Variants in ABI3BP observed in about 807,000 individuals in gnomAD.
The protein encoded by ABI3BP is ABI family member 3 binding protein.
Under a neutral mutation model 268.6 loss-of-function variants are expected in ABI3BP, and 216 were observed. The observed-to-expected ratio is 0.80, with a 90% CI of 0.72 to 0.90. The LOEUF is 0.90. Among genes scored for constraint, ABI3BP ranks in the 40% least tolerant of loss-of-function variants. The pLI, the probability that ABI3BP is intolerant of heterozygous loss-of-function variation, is 0.00. For missense variants in ABI3BP, 2,090 were observed against 2,182.4 expected (o/e 0.96, Z 0.84); for synonymous variants, 730 against 730.0 (o/e 1.00, Z 0.00).
intron 2 of ABI3BP, among the ~76,000 whole-genome samples, chr3:100,916,906 T>C (rs1292963169): frequency 6.6e-6 from 1 of 152,190 alleles, no homozygotes; most frequent in African/African-American, 2.4e-5. Context: ...GTAGATTGCA[T>C]ATAGATTTTT....
At chr3:100,934,702 G>T (rs1240108229) in intron 1 of ABI3BP, among the ~76,000 whole-genome samples, 2 of 151,392 alleles carry the variant, frequency 1.3e-5, no homozygotes, top group Non-Finnish European at 2.9e-5. Flanking sequence ...GTATCTCATT[G>T]TGGTTTTGAT....
intron 61 of ABI3BP, among the ~76,000 whole-genome samples, chr3:100,771,337 A>G (rs1429022937): frequency 6.6e-6 from 1 of 152,190 alleles, no homozygotes; most frequent in Non-Finnish European, 1.5e-5. Flanking sequence ...AGAATCAAGT[A>G]GCTTCAAGTA....
chr3:100,879,880 A>G (rs1581682890), intron 6 of ABI3BP, among the ~76,000 whole-genome samples: 1 of 152,194 alleles, frequency 6.6e-6, no homozygotes, highest in Non-Finnish European at 1.5e-5. Flanking sequence ...CTGTGGCTCA[A>G]TATGTCTCTG....
chr3:100,766,255 T>G (rs539710206), intron 62 of ABI3BP, among the ~76,000 whole-genome samples: 38 of 152,334 alleles, frequency 2.5e-4, no homozygotes, highest in African/African-American at 8.9e-4. Context: ...ACATAGCCTT[T>G]GATTTTGTTA....
At chr3:100,819,428 C>T (rs1293136382) in intron 40 of ABI3BP, among the ~76,000 whole-genome samples, 1 of 152,102 alleles carries the variant, frequency 6.6e-6, no homozygotes, top group African/African-American at 2.4e-5. Flanking sequence ...TACCCAGATA[C>T]ACTCCCTTGC....
At chr3:100,934,676 T>C (rs2065227823) in intron 1 of ABI3BP, among the ~76,000 whole-genome samples, 1 of 152,184 alleles carries the variant, frequency 6.6e-6, no homozygotes, top group African/African-American at 2.4e-5. Flanking sequence ...ATCACCATTC[T>C]AACTGGCATG....
rs772631828 is a variant in ABI3BP at position 100,874,941 on chromosome 3, G to A, written c.818-8C>T. On this transcript the variant is annotated splice_polypyrimidine_tract_variant and splice_region_variant and intron_variant, in intron 8 of 67. Transcript: ENST00000471714. ...CTGGAATAATAAGGTGGACTGCAAGGAAATAGATGTAAATAAGATAAGGGG... is the reference window on the plus strand; with the variant it reads ...CTGGAATAATAAGGTGGACTGCAAGAAAATAGATGTAAATAAGATAAGGGG... 6.6e-7 allele frequency: 1 copy of A among 1,518,044 alleles called. No individual in the cohort carries two copies. The highest frequency in any genetic ancestry group is 9.1e-7 in the Non-Finnish European group (1 of 1,104,398). The allele number at this position is 1,518,044 out of a possible 1,614,324, so 94.0% of individuals were successfully genotyped here.
chr3:100,786,450 A>G (rs2097048019), intron 57 of ABI3BP, among the ~76,000 whole-genome samples: 1 of 152,152 alleles, frequency 6.6e-6, no homozygotes, highest in Non-Finnish European at 1.5e-5. Flanking sequence ...CTAAAATATA[A>G]TAATGGTTTG....
chr3:100,797,287 T>TG (rs1317345361), intron 51 of ABI3BP, among the ~76,000 whole-genome samples: 11 of 152,222 alleles, frequency 7.2e-5, no homozygotes, highest in Non-Finnish European at 1.3e-4. Flanking sequence ...TATTTCTCAG[T>TG]GGGGAAAATA....
At chr3:100,830,715 C>T (rs944116816) in intron 31 of ABI3BP, 81 bp from the exon 32 acceptor site, 14 of 1,240,820 alleles carry the variant, frequency 1.1e-5, no homozygotes, top group African/African-American at 9.0e-5. Context: ...CACCAAAAAT[C>T]GGATTTCTAA....
In ABI3BP at chr3:100,866,961, A is replaced by G. The variant is rs1423976406; in HGVS notation, c.911-5T>C. The G allele has an allele frequency of 6.2e-7, 1 of 1,612,746 alleles. No individual in the cohort carries two copies. Among genetic ancestry groups the G allele is most frequent in the African/African-American group, 1.3e-5 (1 of 74,894 alleles). On this transcript the variant is annotated splice_polypyrimidine_tract_variant and splice_region_variant and intron_variant, in intron 9 of 67. Coordinates refer to ENST00000471714, the MANE Select transcript of ABI3BP (RefSeq NM_001375547.2). ...ATGCCAAGGTTTCATTCTTAGCTAA[A>G]AAGTCAGAGAACAAACAATTTATCT...
intron 1 of ABI3BP, among the ~76,000 whole-genome samples, chr3:100,946,163 G>T (rs1287032163): frequency 6.6e-6 from 1 of 151,856 alleles, no homozygotes; most frequent in Non-Finnish European, 1.5e-5. Context: ...CTGAGGTCAG[G>T]CATTCGAGAC....
chr3:100,951,229 A>T (rs1463872529), intron 1 of ABI3BP, among the ~76,000 whole-genome samples: 1 of 151,738 alleles, frequency 6.6e-6, no homozygotes. Flanking sequence ...ATCTGCCCTC[A>T]CATGTGTATG....
chr3:100,946,368 C>CA (rs397990638), intron 1 of ABI3BP, among the ~76,000 whole-genome samples: 14,918 of 82,334 alleles, frequency 0.18, 999 homozygotes, highest in Non-Finnish European at 0.23. Flanking sequence ...GACTCTATCT[C>CA]AAAAAAAAAA....
intron 37 of ABI3BP, among the ~76,000 whole-genome samples, chr3:100,823,027 T>C (rs907495625): frequency 6.6e-6 from 1 of 152,166 alleles, no homozygotes; most frequent in Admixed American, 6.5e-5. Context: ...ACATATTCTA[T>C]AGAGCTCTTA....
chr3:100,967,421 T>C (rs1360134848), intron 1 of ABI3BP, among the ~76,000 whole-genome samples: 1 of 151,246 alleles, frequency 6.6e-6, no homozygotes, highest in Non-Finnish European at 1.5e-5. Flanking sequence ...GAAGAATCAC[T>C]TGAACCTGGA....
rs1296756058 is a variant in ABI3BP, at chr3:100,862,314, T to A, written c.1282A>T (p.Thr428Ser). The A allele has an allele frequency of 6.3e-7, 1 of 1,595,002 alleles. No homozygotes were observed. The change falls in exon 14 of 68, where the codon ACT becomes TCT. Residue 428 changes from threonine (T) to serine (S), a missense_variant. By Grantham distance (58) the Thr-to-Ser change is moderately conservative. Coordinates refer to ENST00000471714, the MANE Select transcript of ABI3BP (RefSeq NM_001375547.2). Reference protein sequence around the residue: ...SEDSKVLQPQTATYDVFSSPT... With the variant: ...SEDSKVLQPQSATYDVFSSPT... ...TTTAAGAAAAGGATTTAATTACCAG[T>A]TTGAGGCTGCAGAACTTTGGAATCT... is the stretch of plus-strand genomic sequence containing the variant.
intron 1 of ABI3BP, among the ~76,000 whole-genome samples, chr3:100,935,617 A>G (rs1241547028): frequency 6.6e-6 from 1 of 151,850 alleles, no homozygotes; most frequent in Admixed American, 6.6e-5. Context: ...TGAGCACGGA[A>G]TGTTTTTCCA....
intron 28 of ABI3BP, 52 bp from the exon 29 acceptor site, chr3:100,834,825 A>C: frequency 6.8e-7 from 1 of 1,476,426 alleles, no homozygotes; most frequent in Non-Finnish European, 9.2e-7. Context: ...AAACCAAAGA[A>C]AGGATTACAC....
Sources: allele counts gnomAD v4.1 joint callset (sites outside exome capture counted in the v4.1 genomes callset), GRCh38; gene constraint gnomAD v4.1.1; transcripts MANE v1.5; gene names NCBI Gene and HGNC (gene_info 2026-07-23, HGNC 2026-07-21).